Variants in LPIN2 observed in about 807,000 individuals in gnomAD.
LPIN2 encodes the protein phosphatidate phosphatase LPIN2.
In LPIN2, 55 loss-of-function variants were observed where a neutral mutation model predicts 111.4. That is an observed-to-expected ratio of 0.49 (90% CI 0.40 to 0.62). The LOEUF (loss-of-function observed/expected upper bound fraction) is 0.62, where lower values mean the gene tolerates loss of function less well. Ranked by LOEUF, LPIN2 falls within the 20% of genes least tolerant of loss-of-function variation. LPIN2 has a pLI of 0.00. For missense variants in LPIN2, 992 were observed against 1,112.1 expected (o/e 0.89, Z 1.54); for synonymous variants, 425 against 414.0 (o/e 1.03, Z -0.32).
rs551142957 is a variant in LPIN2 at position 2,923,221 on chromosome 18, G to A, written c.2174+554C>T. ...AGATCACCTGAGGTTCGGAGTTCAAGACCAGCCTGACCAACATGATGAAAC... is the reference window on the plus strand; with the variant it reads ...AGATCACCTGAGGTTCGGAGTTCAAAACCAGCCTGACCAACATGATGAAAC... On this transcript the variant is annotated intron_variant, in intron 16 of 19. Coordinates refer to ENST00000677752, the MANE Select transcript of LPIN2 (RefSeq NM_001375808.2). 6.6e-5 allele frequency among the ~76,000 whole-genome samples: 10 copies of A among 152,144 alleles called. No homozygotes were observed. In the East Asian group the frequency reaches 1.5e-3, roughly 24 times the overall value.
chr18:2,938,626 T>G lies in LPIN2; in HGVS notation c.823-589A>C, dbSNP rs1337091193. 2.6e-5 allele frequency among the ~76,000 whole-genome samples: 4 copies of G among 152,332 alleles called. No homozygotes were observed. In the East Asian group the frequency reaches 5.8e-4, roughly 22 times the overall value. Reference sequence around the variant, plus strand: ...ACTAAGAAGTAGAAAATACTCATTTTGGGGGAGAAAACTAAATGAAAATTT... The same window carrying G: ...ACTAAGAAGTAGAAAATACTCATTTGGGGGGAGAAAACTAAATGAAAATTT... On this transcript the variant is annotated intron_variant, in intron 6 of 19. Coordinates refer to ENST00000677752, the MANE Select transcript of LPIN2 (RefSeq NM_001375808.2).
At chr18:2,978,414 A>T (rs2078054595) in intron 1 of LPIN2, among the ~76,000 whole-genome samples, 1 of 152,166 alleles carries the variant, frequency 6.6e-6, no homozygotes. Flanking sequence ...AGGACTTTTG[A>T]GGTATTTTGA....
intron 8 of LPIN2, among the ~76,000 whole-genome samples, chr18:2,931,879 A>AGAGT (rs2077217774): frequency 6.6e-6 from 1 of 152,228 alleles, no homozygotes; most frequent in Non-Finnish European, 1.5e-5. Flanking sequence ...TACATCCTGT[A>AGAGT]GAAAATTACT....
intron 18 of LPIN2, 175 bp from the exon 19 acceptor site, chr18:2,921,056 G>A (rs2077046532): frequency 2.0e-5 from 13 of 658,428 alleles, no homozygotes; most frequent in South Asian, 1.8e-4. Flanking sequence ...CTACAGAGTG[G>A]TGCTTGGAGA....
intron 12 of LPIN2, 119 bp from the exon 13 acceptor site, chr18:2,926,924 G>T: frequency 2.6e-6 from 2 of 779,804 alleles, no homozygotes; most frequent in Non-Finnish European, 4.4e-6. Context: ...ACTTAAAAAT[G>T]CTCAAAAACC....
At chr18:2,965,731 CA>C (rs35530040) in intron 1 of LPIN2, among the ~76,000 whole-genome samples, 1,104 of 103,212 alleles carry the variant, frequency 0.011, 20 homozygotes, top group African/African-American at 0.039. Flanking sequence ...CTCCCAATCT[CA>C]AAAAAAAAAA....
rs547359065 is a variant in LPIN2, at chr18:2,920,203, G to C, written c.*90C>G. 6.4e-7 allele frequency: 1 copy of C among 1,559,240 alleles called. No homozygotes were observed. Among genetic ancestry groups the C allele is most frequent in the Admixed American group, 1.7e-5 (1 of 59,840 alleles). On this transcript the variant is annotated 3_prime_UTR_variant, in exon 20 of 20. Transcript: ENST00000677752. Reference sequence around the variant, plus strand: ...AGAAGCACCCGTCCCCGCTGGGGAAGGCTGGTATCTGAGGTCAGCAGAAGA... The same window carrying C: ...AGAAGCACCCGTCCCCGCTGGGGAACGCTGGTATCTGAGGTCAGCAGAAGA...
intron 1 of LPIN2, among the ~76,000 whole-genome samples, chr18:2,983,975 G>C (rs2078149886): frequency 6.6e-6 from 1 of 152,078 alleles, no homozygotes; most frequent in Non-Finnish European, 1.5e-5. Flanking sequence ...CAACTGGATT[G>C]TTCATCATTC....
At chr18:2,983,827 C>G (rs56269911) in intron 1 of LPIN2, among the ~76,000 whole-genome samples, 4,365 of 151,126 alleles carry the variant, frequency 0.029, 191 homozygotes, top group African/African-American at 0.1. Flanking sequence ...AATGTGATTA[C>G]TAGAAAATTT....
chr18:2,996,376 C>A (rs1289006094), intron 1 of LPIN2, among the ~76,000 whole-genome samples: 1 of 151,708 alleles, frequency 6.6e-6, no homozygotes, highest in Non-Finnish European at 1.5e-5. Flanking sequence ...TTATAATGTC[C>A]ATCAATTACA....
chr18:2,934,479 AT>A, intron 7 of LPIN2, 29 bp from the exon 8 acceptor site: 1 of 1,422,388 alleles, frequency 7.0e-7, no homozygotes, highest in Non-Finnish European at 9.9e-7. Flanking sequence ...AGAGGTAAGA[AT>A]TTAGTTATTC....
At chr18:2,982,226 G>A (rs1013129632) in intron 1 of LPIN2, among the ~76,000 whole-genome samples, 2 of 152,076 alleles carry the variant, frequency 1.3e-5, no homozygotes, top group Non-Finnish European at 2.9e-5. Context: ...CAAATACAAC[G>A]TCAGCTTCAA....
intron 1 of LPIN2, among the ~76,000 whole-genome samples, chr18:2,986,415 G>A (rs993943747): frequency 6.6e-6 from 1 of 151,836 alleles, no homozygotes; most frequent in Non-Finnish European, 1.5e-5. Flanking sequence ...GAAAAAACAA[G>A]GGAGGGTCTC....
intron 1 of LPIN2, among the ~76,000 whole-genome samples, chr18:2,988,941 T>A (rs763946444): frequency 1.3e-5 from 2 of 152,200 alleles, no homozygotes; most frequent in African/African-American, 2.4e-5. Flanking sequence ...ATTAATTGTA[T>A]TCAATTTGAA....
At chr18:2,975,262 G>A (rs1255960662) in intron 1 of LPIN2, among the ~76,000 whole-genome samples, 1 of 152,200 alleles carries the variant, frequency 6.6e-6, no homozygotes, top group South Asian at 2.1e-4. Context: ...TTCAGGCTAT[G>A]TGTGGGTAGG....
chr18:2,958,014 C>T (rs542131031), intron 2 of LPIN2, among the ~76,000 whole-genome samples: 3 of 151,256 alleles, frequency 2.0e-5, no homozygotes, highest in South Asian at 2.1e-4. Context: ...TGGTAGCACG[C>T]GCCTATAATC....
At chr18:2,962,908 T>C (rs558812035) in intron 1 of LPIN2, among the ~76,000 whole-genome samples, 51 of 152,314 alleles carry the variant, frequency 3.3e-4, no homozygotes, top group African/African-American at 1.0e-3. Flanking sequence ...ACAAGTCTTA[T>C]AAACATAAAT....
At chr18:2,934,751 A>G (rs1423942316) in intron 7 of LPIN2, among the ~76,000 whole-genome samples, 1 of 152,174 alleles carries the variant, frequency 6.6e-6, no homozygotes, top group Non-Finnish European at 1.5e-5. Flanking sequence ...TTGTATTTAT[A>G]GGTCTAAGAA....
At chr18:2,956,528 C>T (rs550249971) in intron 2 of LPIN2, among the ~76,000 whole-genome samples, 1 of 152,320 alleles carries the variant, frequency 6.6e-6, no homozygotes, top group South Asian at 2.1e-4. Flanking sequence ...GTAGCTTCTT[C>T]TGGAACACCT....
Sources: allele counts gnomAD v4.1 joint callset (sites outside exome capture counted in the v4.1 genomes callset), GRCh38; gene constraint gnomAD v4.1.1; transcripts MANE v1.5; gene names NCBI Gene and HGNC (gene_info 2026-07-23, HGNC 2026-07-21).